The following CSNK1G1 variants were observed in gnomAD, a reference collection of about 807,000 sequenced individuals.
CSNK1G1 encodes the protein casein kinase 1 gamma 1, also known as casein kinase I isoform gamma-1.
Under a neutral mutation model 59.6 loss-of-function variants are expected in CSNK1G1, and 22 were observed. The observed-to-expected ratio is 0.37, with a 90% CI of 0.26 to 0.53. CSNK1G1 has a LOEUF of 0.53. Ranked by LOEUF, CSNK1G1 falls within the 20% of genes least tolerant of loss-of-function variation. CSNK1G1 has a pLI of 0.89. For missense variants in CSNK1G1, 384 were observed against 519.5 expected, an observed-to-expected ratio of 0.74 and a Z score of 2.54; for synonymous variants, 179 against 177.1, an observed-to-expected ratio of 1.01 and a Z score of -0.08.
At position 64,210,733 on chromosome 15, in the gene CSNK1G1, G is replaced by A. The variant is rs768938195; in HGVS notation, c.680-3139C>T. On this transcript the variant is annotated intron_variant, in intron 6 of 11. Coordinates refer to ENST00000303052, the MANE Select transcript of CSNK1G1 (RefSeq NM_022048.5). The surrounding 1 kb of genome is among the most constrained non-coding windows in gnomAD (Gnocchi z 4.2). ...GTAAAAGCTTAATCAGTGGGAAGGT[G>A]GCTACTATGGTCTGGATTTCTGTCC... 3.3e-5 allele frequency among the ~76,000 whole-genome samples: 5 copies of A among 152,112 alleles called. No homozygotes were observed. The highest frequency in any genetic ancestry group is 7.4e-5 in the Non-Finnish European group (5 of 68,018).
At chr15:64,349,421 T>C (rs893518418) in intron 1 of CSNK1G1, among the ~76,000 whole-genome samples, 21 of 152,150 alleles carry the variant, frequency 1.4e-4, no homozygotes, top group Non-Finnish European at 1.9e-4. Context: ...CTACCCAGTA[T>C]ACCCACACCT....
At chr15:64,349,899 A>C (rs1259452555) in intron 1 of CSNK1G1, among the ~76,000 whole-genome samples, 1 of 150,936 alleles carries the variant, frequency 6.6e-6, no homozygotes, top group Non-Finnish European at 1.5e-5. Flanking sequence ...ACACACTGAG[A>C]CCCTCGTCTC....
intron 10 of CSNK1G1, among the ~76,000 whole-genome samples, chr15:64,196,740 C>T (rs1174933002): frequency 2.6e-5 from 4 of 151,986 alleles, no homozygotes; most frequent in African/African-American, 9.6e-5. Context: ...GCGGGAGCCA[C>T]CATGCCCAGC....
intron 2 of CSNK1G1, among the ~76,000 whole-genome samples, chr15:64,268,462 T>C (rs1390905132): frequency 1.3e-5 from 2 of 152,210 alleles, no homozygotes; most frequent in East Asian, 1.9e-4. Flanking sequence ...TTTCATGTTA[T>C]AACACTGATG....
intron 11 of CSNK1G1, among the ~76,000 whole-genome samples, chr15:64,173,178 A>G (rs976013791): frequency 1.4e-4 from 21 of 152,232 alleles, no homozygotes; most frequent in African/African-American, 4.6e-4. Flanking sequence ...AATAAAGACT[A>G]TTACTTACTT....
At chr15:64,276,683 C>T (rs897079102) in intron 2 of CSNK1G1, among the ~76,000 whole-genome samples, 3 of 152,104 alleles carry the variant, frequency 2.0e-5, no homozygotes, top group Non-Finnish European at 4.4e-5. Context: ...CGGTGGCTCA[C>T]GCCTGTAATC....
Position 64,171,628 on chromosome 15 carries a change from TTGTGAA to T in CSNK1G1, c.*297_*302del, listed in dbSNP as rs2081666167. 6 of 438,178 alleles carry T rather than the reference TTGTGAA, an allele frequency of 1.4e-5. No individual in the cohort carries two copies. The South Asian group carries it at 1.9e-4, about 14-fold the overall frequency. 27.1% of individuals were successfully genotyped at this position (438,178 alleles called of 1,614,324 possible). On this transcript the variant is annotated 3_prime_UTR_variant, in exon 12 of 12. Transcript: ENST00000303052. This position sits in a 1 kb window ranked among gnomAD's most constrained non-coding sequence, Gnocchi z 4.8. Reference sequence around the variant, plus strand: ...AAGGAGAATAGCAGTCCTTGAGTTTTTGTGAATGACACCTTCACTGTAAACAATGGG... The same window carrying T: ...AAGGAGAATAGCAGTCCTTGAGTTTTTGACACCTTCACTGTAAACAATGGG...
At chr15:64,246,608 G>A (rs1471256851) in intron 4 of CSNK1G1, among the ~76,000 whole-genome samples, 1 of 122,070 alleles carries the variant, frequency 8.2e-6, no homozygotes, top group Admixed American at 9.3e-5. Context: ...CAGAATCAGA[G>A]CAAGAGTCCG....
intron 2 of CSNK1G1, among the ~76,000 whole-genome samples, chr15:64,272,419 G>A (rs997485655): frequency 2.9e-4 from 44 of 151,912 alleles, no homozygotes; most frequent in African/African-American, 9.2e-4. Flanking sequence ...GGGTTTCACC[G>A]TGTTAGCCAG....
In CSNK1G1 at chr15:64,222,546, T is replaced by C. The variant is rs183475615; in HGVS notation, c.293-5833A>G. Among the ~76,000 whole-genome samples the C allele has an allele frequency of 1.1e-3, 174 of 151,696 alleles. 2 individuals carry two copies. Among genetic ancestry groups the C allele is most frequent in the Admixed American group, 7.0e-3 (106 of 15,214 alleles). ...TAGCTACCTTCTGGGTTCCTCTTTG[T>C]AAAGCCACAGAACTATGAATGAAAC... On this transcript the variant is annotated intron_variant, in intron 4 of 11. Coordinates refer to ENST00000303052, the MANE Select transcript of CSNK1G1 (RefSeq NM_022048.5).
chr15:64,270,332 T>C (rs1026943957), intron 2 of CSNK1G1, among the ~76,000 whole-genome samples: 3 of 152,216 alleles, frequency 2.0e-5, no homozygotes, highest in African/African-American at 7.2e-5. Context: ...TTATTTTTTG[T>C]CTTCTCTGCT....
At chr15:64,245,989 A>C (rs1313518975) in intron 4 of CSNK1G1, among the ~76,000 whole-genome samples, 1 of 152,208 alleles carries the variant, frequency 6.6e-6, no homozygotes, top group Non-Finnish European at 1.5e-5. Context: ...GGGTACAAAC[A>C]TACAGTTAGA....
chr15:64,349,905 G>A (rs945626756), intron 1 of CSNK1G1, among the ~76,000 whole-genome samples: 4 of 145,716 alleles, frequency 2.7e-5, no homozygotes, highest in East Asian at 2.0e-4. Context: ...TGAGACCCTC[G>A]TCTCCAAAAA....
chr15:64,343,365 T>C (rs1002185106), intron 1 of CSNK1G1, among the ~76,000 whole-genome samples: 1 of 152,196 alleles, frequency 6.6e-6, no homozygotes, highest in Non-Finnish European at 1.5e-5. Context: ...TGTGCTGGCC[T>C]AGTACACTTT....
intron 7 of CSNK1G1, among the ~76,000 whole-genome samples, chr15:64,205,351 G>A (rs1281785462): frequency 6.6e-6 from 1 of 152,112 alleles, no homozygotes; most frequent in East Asian, 1.9e-4. Flanking sequence ...TAATCCAGGT[G>A]GGGGAAACAG....
intron 2 of CSNK1G1, among the ~76,000 whole-genome samples, chr15:64,278,341 C>A (rs2140361873): frequency 6.6e-6 from 1 of 150,794 alleles, no homozygotes; most frequent in East Asian, 2.0e-4. Flanking sequence ...GTCACCACAC[C>A]CAGTCCAGGG....
chr15:64,185,809 C>T (rs1345705606), intron 10 of CSNK1G1, among the ~76,000 whole-genome samples: 2 of 149,500 alleles, frequency 1.3e-5, no homozygotes, highest in Non-Finnish European at 1.5e-5. Context: ...TTGCAGTAAG[C>T]CAAGATCGCG....
chr15:64,298,875 C>CAA (rs538363993), intron 2 of CSNK1G1, among the ~76,000 whole-genome samples: 6,299 of 127,712 alleles, frequency 0.049, 139 homozygotes, highest in South Asian at 0.087. Context: ...CACAAAAATA[C>CAA]AAAAAAAAAA....
chr15:64,353,474 G>A (rs1046565877), intron 1 of CSNK1G1, among the ~76,000 whole-genome samples: 1 of 151,726 alleles, frequency 6.6e-6, no homozygotes, highest in Admixed American at 6.6e-5. Flanking sequence ...ATGACACTTC[G>A]TCTCTACTAA....
Sources: gnomAD v4.1 joint callset for allele counts (sites outside exome capture counted in the v4.1 genomes callset) on GRCh38, gnomAD v4.1.1 for gene constraint, Gnocchi (gnomAD v3.1) non-coding constraint, MANE v1.5 for transcripts, NCBI Gene and HGNC (gene_info 2026-07-23, HGNC 2026-07-21) for gene names.